AHNAK: variants seen among roughly 807,000 people sequenced by gnomAD.
AHNAK encodes AHNAK nucleoprotein.
In AHNAK, 23 loss-of-function variants were observed where a neutral mutation model predicts 37.8. That is an observed-to-expected ratio of 0.61 (90% CI 0.44 to 0.86). The LOEUF (loss-of-function observed/expected upper bound fraction) is 0.86, where lower values mean the gene tolerates loss of function less well. Among genes scored for constraint, AHNAK ranks in the 40% least tolerant of loss-of-function variants. The pLI, the probability that AHNAK is intolerant of heterozygous loss-of-function variation, is 0.00. For synonymous variants in AHNAK, 2,481 were observed against 2,636.3 expected (o/e 0.94, Z 1.80); for missense variants, 7,411 against 7,319.4 (o/e 1.01, Z -0.46).
At chr11:62,451,230 T>G (rs1938530986) in intron 5 of AHNAK, among the ~76,000 whole-genome samples, 1 of 150,844 alleles carries the variant, frequency 6.6e-6, no homozygotes. Context: ...AACAACATAA[T>G]GTGTTTAGGA....
chr11:62,447,032 GC>G (rs962257686), intron 5 of AHNAK, among the ~76,000 whole-genome samples: 3 of 151,806 alleles, frequency 2.0e-5, no homozygotes, highest in African/African-American at 7.3e-5. Context: ...GCCAAAATGT[GC>G]AATCAAGCCC....
Position 62,531,244 on chromosome 11 carries a change from G to C in AHNAK, c.3173C>G (p.Pro1058Arg). The C allele has an allele frequency of 1.2e-6, 2 of 1,613,996 alleles. No individual in the cohort carries two copies. Among genetic ancestry groups the C allele is most frequent in the Non-Finnish European group, 1.7e-6 (2 of 1,179,956 alleles). ...GKLKGPKFKM[P>R]EMHFRAPKMS... The stretch of plus-strand genomic sequence containing the variant: ...CTTAGGAGCTCTGAAGTGCATCTCA[G>C]GCATCTTAAACTTCGGGCCTTTCAA... Residue 1058 changes from proline (P) to arginine (R), a missense_variant, in exon 5 of 5, where the codon CCT (proline) becomes CGT (arginine). Transcript: ENST00000378024.
chr11:62,518,820 C>G lies in AHNAK; in HGVS notation c.15597G>C (p.Val5199=), dbSNP rs1940119812. The change falls in exon 5 of 5, where the codon GTG becomes GTC. Residue 5199 remains valine (V), a synonymous_variant. Coordinates refer to ENST00000378024, the MANE Select transcript of AHNAK (RefSeq NM_001620.3). ...TCTTTGGTCCTTTCAAGTTTACATTCACATCAGGGATGGAGACTTGAGGGG... is the reference window on the plus strand; with the variant it reads ...TCTTTGGTCCTTTCAAGTTTACATTGACATCAGGGATGGAGACTTGAGGGG... ...ISAPQVSIPD[V]NVNLKGPKIK... 1 of 1,614,134 alleles carries G rather than the reference C, an allele frequency of 6.2e-7. No individual in the cohort carries two copies. The highest frequency in any genetic ancestry group is 8.5e-7 in the Non-Finnish European group (1 of 1,180,060).
At position 62,517,694 on chromosome 11, in the gene AHNAK, C is replaced by T. The variant is rs752724663; in HGVS notation, c.16723G>A (p.Gly5575Ser). Residue 5575 changes from glycine (G) to serine (S), a missense_variant, in exon 5 of 5, where the codon GGT becomes AGT. Transcript: ENST00000378024. ...KIKGGADVSG[G>S]VSAPDISLGE... ...AGGCTGATGTCTGGGGCACTGACAC[C>T]CCCTGAAACATCCGCACCTCCTTTG... The T allele has an allele frequency of 1.1e-5, 17 of 1,614,038 alleles. No individual in the cohort carries two copies. The highest frequency in any genetic ancestry group is 1.3e-5 in the Non-Finnish European group (15 of 1,180,040).
chr11:62,458,444 T>C (rs1278611837), intron 5 of AHNAK, among the ~76,000 whole-genome samples: 2 of 152,094 alleles, frequency 1.3e-5, no homozygotes, highest in African/African-American at 4.8e-5. Flanking sequence ...GAGAGTCTGG[T>C]GTAAGCTGGA....
In AHNAK at chr11:62,529,057, T is replaced by C. The variant is rs1940622727; in HGVS notation, c.5360A>G (p.Asp1787Gly). 6.2e-7 allele frequency: 1 copy of C among 1,614,220 alleles called. No individual in the cohort carries two copies. Among genetic ancestry groups the C allele is most frequent in the South Asian group, 1.1e-5 (1 of 91,078 alleles). The change falls in exon 5 of 5, where the codon GAC (aspartate) becomes GGC (glycine). Residue 1787 changes from aspartate to glycine, a missense_variant. Transcript: ENST00000378024. Reference sequence around the variant, plus strand: ...CAGTTTGGGTCCCTTCAAATTCAAGTCCACATCTGGCATGGAGACCTTGGG... The same window carrying C: ...CAGTTTGGGTCCCTTCAAATTCAAGCCCACATCTGGCATGGAGACCTTGGG... ...KAPKVSMPDV[D>G]LNLKGPKLKG...
intron 4 of AHNAK, among the ~76,000 whole-genome samples, chr11:62,501,853 C>A (rs181851368): frequency 3.6e-4 from 55 of 152,292 alleles, no homozygotes; most frequent in African/African-American, 1.3e-3. Flanking sequence ...ACAAAGCCAG[C>A]CCCGCATTGC....
chr11:62,527,461 A>T lies in AHNAK; in HGVS notation c.6956T>A (p.Phe2319Tyr). 1.9e-6 allele frequency: 3 copies of T among 1,614,194 alleles called. No individual in the cohort carries two copies. The highest frequency in any genetic ancestry group is 1.6e-4 in the Middle Eastern group (1 of 6,062). ...TPKISMPDVD[F>Y]NLKGPKIKGD... ...TTTGATTTTGGGTCCCTTTAAATTG[A>T]AATCAACATCAGGCATGGAGATCTT... The change falls in exon 5 of 5, where the codon TTC becomes TAC. Residue 2319 changes from phenylalanine to tyrosine, a missense_variant. By Grantham distance (22) the Phe-to-Tyr change is conservative. Coordinates refer to ENST00000378024, the MANE Select transcript of AHNAK (RefSeq NM_001620.3).
At position 62,526,726 on chromosome 11, in the gene AHNAK, C is replaced by T. The variant is rs1375429641; in HGVS notation, c.7691G>A (p.Gly2564Glu). The change falls in exon 5 of 5, where the codon GGG becomes GAG. Residue 2564 changes from glycine to glutamate, a missense_variant. Coordinates refer to ENST00000378024, the MANE Select transcript of AHNAK (RefSeq NM_001620.3). ...CATCTCTGGCATCTTTAACTTAGGC[C>T]CTTTCAACTTTCCCTCTGGTCCTTC... The part of the protein sequence containing the change: ...NIEGPEGKLK[G>E]PKLKMPEMNI... 6.2e-7 allele frequency: 1 copy of T among 1,613,598 alleles called. No homozygotes were observed. The highest frequency in any genetic ancestry group is 8.5e-7 in the Non-Finnish European group (1 of 1,179,938).
downstream of AHNAK, among the ~76,000 whole-genome samples, chr11:62,512,693 T>C (rs535399044): frequency 3.7e-4 from 57 of 152,102 alleles, no homozygotes; most frequent in South Asian, 0.012. The surrounding 1 kb of genome is among the most constrained non-coding windows in gnomAD (Gnocchi z 4.0). Context: ...TTGATTGAGC[T>C]CAGGAGTTTG....
chr11:62,532,447 A>G lies in AHNAK; in HGVS notation c.1970T>C (p.Ile657Thr), dbSNP rs781334867. ...ATTGACCTTGGGCCCTGAAATACTG[A>G]TATCTCCTTTGGGTAGAGTCATATG... ...DVHMTLPKGD[I>T]SISGPKVNVE... is the part of the protein sequence containing the mutation. The change falls in exon 5 of 5, where the codon ATC becomes ACC. Residue 657 changes from isoleucine to threonine, a missense_variant. Coordinates refer to ENST00000378024, the MANE Select transcript of AHNAK (RefSeq NM_001620.3). 6.2e-6 allele frequency: 10 copies of G among 1,613,836 alleles called. No individual in the cohort carries two copies. Among genetic ancestry groups the G allele is most frequent in the South Asian group, 5.5e-5 (5 of 91,064 alleles).
In AHNAK at chr11:62,517,206, A is replaced by C. The variant is rs543703599; in HGVS notation, c.17211T>G (p.Ser5737=). The C allele has an allele frequency of 2.5e-6, 4 of 1,614,146 alleles. No homozygotes were observed. Among genetic ancestry groups the C allele is most frequent in the African/African-American group, 1.3e-5 (1 of 75,038 alleles). Residue 5737 remains serine (S), a synonymous_variant, in exon 5 of 5, where the codon TCT becomes TCG. Transcript: ENST00000378024. ...AACTTTTCAGGTCACCTTTGGACCC[A>C]GAAATTGATGCTTCTGGTGAGCCAG... is the stretch of plus-strand genomic sequence containing the variant. ...GVTGSPEASI[S]GSKGDLKSSK...
Position 62,517,880 on chromosome 11 carries a change from G to A in AHNAK, c.16537C>T (p.Leu5513Phe), listed in dbSNP as rs762031877. Residue 5513 changes from leucine to phenylalanine, a missense_variant, in exon 5 of 5, where the codon CTC becomes TTC. Leu to Phe is a conservative substitution (Grantham distance 22). Transcript: ENST00000378024. ...DVNLPGVNVKLPTGQISGPEI... is the reference protein window; with the variant it reads ...DVNLPGVNVKFPTGQISGPEI... ...GGCCCAGAAATCTGCCCAGTTGGGA[G>A]TTTCACATTCACGCCTGGCAGGTTC... 6.2e-7 allele frequency: 1 copy of A among 1,614,160 alleles called. No homozygotes were observed. Among genetic ancestry groups the A allele is most frequent in the South Asian group, 1.1e-5 (1 of 91,084 alleles).
In AHNAK at chr11:62,523,256, T is replaced by C. The variant is rs766550122; in HGVS notation, c.11161A>G (p.Ile3721Val). 1.2e-6 allele frequency: 2 copies of C among 1,613,316 alleles called. No homozygotes were observed. Among genetic ancestry groups the C allele is most frequent in the Admixed American group, 1.7e-5 (1 of 59,962 alleles). ...KVDIDTPDIN[I>V]EGSEGKFKGP... ...TTGAATTTACCCTCTGAGCCTTCGA[T>C]GTTAATGTCAGGAGTGTCAATGTCC... The change falls in exon 5 of 5, where the codon ATC (isoleucine) becomes GTC (valine). Residue 3721 changes from isoleucine (I) to valine (V), a missense_variant. By Grantham distance (29) the Ile-to-Val change is conservative. Transcript: ENST00000378024.
chr11:62,519,599 C>T lies in AHNAK; in HGVS notation c.14818G>A (p.Gly4940Ser), dbSNP rs755357906. The T allele has an allele frequency of 2.7e-5, 43 of 1,613,416 alleles. No individual in the cohort carries two copies. Among genetic ancestry groups the T allele is most frequent in the Non-Finnish European group, 1.2e-5 (14 of 1,179,784 alleles). The change falls in exon 5 of 5, where the codon GGT becomes AGT. Residue 4940 changes from glycine to serine, a missense_variant. Physicochemically the swap from Gly to Ser is moderately conservative, Grantham distance 56. Coordinates refer to ENST00000378024, the MANE Select transcript of AHNAK (RefSeq NM_001620.3). Reference protein sequence around the residue: ...IGFSGPKLEGGEVDLKGPKVE... With the variant: ...IGFSGPKLEGSEVDLKGPKVE... Reference sequence around the variant, plus strand: ...TTGGGTCCCTTGAGGTCCACTTCACCACCTTCTAACTTCGGACCTGAAAAT... The same window carrying T: ...TTGGGTCCCTTGAGGTCCACTTCACTACCTTCTAACTTCGGACCTGAAAAT...
rs1052836492 is a variant in AHNAK at position 62,529,378 on chromosome 11, C to T, written c.5039G>A (p.Gly1680Asp). 4 of 1,613,884 alleles carry T rather than the reference C, an allele frequency of 2.5e-6. No homozygotes were observed. In the African/African-American group the frequency reaches 5.3e-5, roughly 22 times the overall value. Residue 1680 changes from glycine to aspartate, a missense_variant, in exon 5 of 5, where the codon GGT becomes GAT. By Grantham distance (94) the Gly-to-Asp change is moderately conservative. Coordinates refer to ENST00000378024, the MANE Select transcript of AHNAK (RefSeq NM_001620.3). ...DMDVSVPKVE[G>D]EMKVPDVDIK... ...GTCAACATCTGGCACTTTCATTTCA[C>T]CTTCTACCTTGGGCACAGACACATC...
rs115325511 is a variant in AHNAK at position 62,530,602 on chromosome 11, C to G, written c.3815G>C (p.Arg1272Pro). 1.9e-3 allele frequency: 3,053 copies of G among 1,598,288 alleles called. 57 individuals carry two copies. In the African/African-American group the frequency reaches 0.038, roughly 20 times the overall value. ...CTTGGGCAGGTTCACATCCACTTCT[C>G]GGCCCTCTCCTTTGAAGCCAGGCAT... ...FSMPGFKGEG[R>P]EVDVNLPKAD... Residue 1272 changes from arginine (R) to proline (P), a missense_variant, in exon 5 of 5, where the codon CGA becomes CCA. By Grantham distance (103) the Arg-to-Pro change is moderately radical. Transcript: ENST00000378024.
At chr11:62,477,930 G>A (rs1465705922) in intron 5 of AHNAK, among the ~76,000 whole-genome samples, 1 of 152,138 alleles carries the variant, frequency 6.6e-6, no homozygotes, top group Non-Finnish European at 1.5e-5. Flanking sequence ...GGCCTTCCTG[G>A]CCAAGGAGTA....
At chr11:62,468,123 G>A (rs952099851) in intron 5 of AHNAK, among the ~76,000 whole-genome samples, 4 of 152,066 alleles carry the variant, frequency 2.6e-5, no homozygotes, top group Admixed American at 6.6e-5. Context: ...CGAAATGGGC[G>A]TTATCACTTG....
Sources: gnomAD v4.1 joint callset for allele counts (sites outside exome capture counted in the v4.1 genomes callset) on GRCh38, gnomAD v4.1.1 for gene constraint, Gnocchi (gnomAD v3.1) non-coding constraint, MANE v1.5 for transcripts, NCBI Gene and HGNC (gene_info 2026-07-23, HGNC 2026-07-21) for gene names.